GABBR2: variants seen among roughly 807,000 people sequenced by gnomAD.
The protein encoded by GABBR2 is G-protein coupled receptor 51.
Under a neutral mutation model 105.6 loss-of-function variants are expected in GABBR2, and 23 were observed. That is an observed-to-expected ratio of 0.22 (90% confidence interval 0.16 to 0.31). GABBR2 has a LOEUF of 0.31. Ranked by LOEUF, GABBR2 falls within the 10% of genes least tolerant of loss-of-function variation. The pLI, the probability that GABBR2 is intolerant of heterozygous loss-of-function variation, is 1.00. For synonymous variants in GABBR2, 478 were observed against 499.7 expected, an observed-to-expected ratio of 0.96 and a Z score of 0.58; for missense variants, 734 against 1,245.5, an observed-to-expected ratio of 0.59 and a Z score of 6.18.
intron 13 of GABBR2, among the ~76,000 whole-genome samples, chr9:98,349,493 A>G (rs1831360170): frequency 6.6e-6 from 1 of 151,134 alleles, no homozygotes. Flanking sequence ...AGCTGGGATT[A>G]CAGGCATGCA....
chr9:98,389,821 T>C (rs1832146547), intron 9 of GABBR2, among the ~76,000 whole-genome samples: 1 of 152,238 alleles, frequency 6.6e-6, no homozygotes, highest in Non-Finnish European at 1.5e-5. Context: ...TCCCTCTTTC[T>C]TAGCTGCTAT....
chr9:98,353,811 G>T (rs1005707593), intron 13 of GABBR2, among the ~76,000 whole-genome samples: 1 of 152,114 alleles, frequency 6.6e-6, no homozygotes, highest in Non-Finnish European at 1.5e-5. Context: ...CATGGTGGGG[G>T]GGGGTGGCGG....
chr9:98,580,126 C>T (rs1828981232), intron 1 of GABBR2, among the ~76,000 whole-genome samples: 1 of 152,178 alleles, frequency 6.6e-6, no homozygotes, highest in African/African-American at 2.4e-5. Flanking sequence ...AAGTGAAGCC[C>T]TACCAACCTC....
intron 1 of GABBR2, among the ~76,000 whole-genome samples, chr9:98,601,301 G>C (rs968424255): frequency 1.3e-5 from 2 of 152,230 alleles, no homozygotes; most frequent in African/African-American, 2.4e-5. Flanking sequence ...AAGATCATTT[G>C]AGGCCAGGAG....
intron 1 of GABBR2, among the ~76,000 whole-genome samples, chr9:98,692,526 G>A (rs1476086692): frequency 1.3e-5 from 2 of 152,174 alleles, no homozygotes; most frequent in Non-Finnish European, 1.5e-5. Context: ...AAGGGCCTTC[G>A]GGAACAGCCA....
At chr9:98,471,787 T>C (rs1296110666) in intron 6 of GABBR2, among the ~76,000 whole-genome samples, 1 of 152,240 alleles carries the variant, frequency 6.6e-6, no homozygotes, top group Non-Finnish European at 1.5e-5. Flanking sequence ...AAATACAGGG[T>C]ATCCCTGGAC....
intron 4 of GABBR2, among the ~76,000 whole-genome samples, chr9:98,483,281 C>T (rs1826968152): frequency 6.6e-6 from 1 of 152,182 alleles, no homozygotes; most frequent in Admixed American, 6.5e-5. Flanking sequence ...TCAGTCCCAA[C>T]CCTCCAGCCC....
intron 1 of GABBR2, chr9:98,607,234 A>G (rs1588249839): frequency 7.1e-7 from 1 of 1,413,314 alleles, no homozygotes; most frequent in East Asian, 2.3e-5. Context: ...GACTACATTG[A>G]TAATAAACTT....
chr9:98,588,200 T>C (rs1564123324), intron 1 of GABBR2, among the ~76,000 whole-genome samples: 1 of 152,220 alleles, frequency 6.6e-6, no homozygotes. Context: ...GACTTTAACA[T>C]TTATCATTGC....
chr9:98,546,395 C>G (rs1399346155), intron 2 of GABBR2, among the ~76,000 whole-genome samples: 1 of 152,086 alleles, frequency 6.6e-6, no homozygotes, highest in Non-Finnish European at 1.5e-5. Flanking sequence ...TTCATTTTAT[C>G]TTGTTTTGAG....
chr9:98,576,107 G>A (rs187569440), intron 2 of GABBR2, among the ~76,000 whole-genome samples: 287 of 152,188 alleles, frequency 1.9e-3, no homozygotes, highest in African/African-American at 6.7e-3. Context: ...ACCACCCCTC[G>A]TGGCTGCAAG....
intron 7 of GABBR2, among the ~76,000 whole-genome samples, chr9:98,425,930 G>C (rs1374281209): frequency 6.6e-6 from 1 of 152,230 alleles, no homozygotes; most frequent in Non-Finnish European, 1.5e-5. Context: ...TGGAGGATGA[G>C]GTTGTCTGCT....
chr9:98,614,855 A>G (rs1564131403), intron 1 of GABBR2, among the ~76,000 whole-genome samples: 3 of 152,206 alleles, frequency 2.0e-5, no homozygotes, highest in Admixed American at 6.5e-5. Context: ...TGGAGACTGT[A>G]AACTCAATTC....
intron 8 of GABBR2, among the ~76,000 whole-genome samples, chr9:98,402,669 C>T (rs1832415066): frequency 6.6e-6 from 1 of 152,086 alleles, no homozygotes; most frequent in African/African-American, 2.4e-5. Context: ...GAGGCTCAGT[C>T]CTACTGTGGG....
intron 1 of GABBR2, among the ~76,000 whole-genome samples, chr9:98,704,964 A>C (rs1036685340): frequency 2.0e-5 from 3 of 152,178 alleles, no homozygotes; most frequent in Non-Finnish European, 4.4e-5. Flanking sequence ...AAAAAAAAAA[A>C]AAAAGTCATT....
chr9:98,394,773 T>C (rs762421645), intron 8 of GABBR2, among the ~76,000 whole-genome samples: 1 of 152,162 alleles, frequency 6.6e-6, no homozygotes, highest in Non-Finnish European at 1.5e-5. Flanking sequence ...CCACATTCCA[T>C]AAAGTCAGTC....
chr9:98,372,593 A>T (rs946068066), intron 11 of GABBR2, among the ~76,000 whole-genome samples: 5 of 152,238 alleles, frequency 3.3e-5, no homozygotes, highest in South Asian at 2.1e-4. Context: ...CAGACAGCTC[A>T]GGCCCTCTGC....
At chr9:98,298,940 C>G (rs577387654) in intron 17 of GABBR2, among the ~76,000 whole-genome samples, 3 of 152,202 alleles carry the variant, frequency 2.0e-5, no homozygotes, top group Non-Finnish European at 2.9e-5. Flanking sequence ...TGTGCCTGCC[C>G]CCAGTCAGGA....
At chr9:98,638,725 G>A (rs1403031192) in intron 1 of GABBR2, among the ~76,000 whole-genome samples, 1 of 152,158 alleles carries the variant, frequency 6.6e-6, no homozygotes, top group Non-Finnish European at 1.5e-5. Flanking sequence ...GGGTCTAAAG[G>A]AATGCCCCAA....
Sources: allele counts gnomAD v4.1 joint callset (sites outside exome capture counted in the v4.1 genomes callset), GRCh38; gene constraint gnomAD v4.1.1; transcripts MANE v1.5; gene names NCBI Gene and HGNC (gene_info 2026-07-23, HGNC 2026-07-21).